CDH13: variants seen among roughly 807,000 people sequenced by gnomAD.
CDH13 encodes cadherin 13.
A neutral mutation model predicts 63.8 loss-of-function variants in CDH13; 24 were observed. The observed-to-expected ratio is 0.38, with a 90% confidence interval of 0.27 to 0.53. The LOEUF (loss-of-function observed/expected upper bound fraction) is 0.53. Ranked by LOEUF, CDH13 falls within the 20% of genes least tolerant of loss-of-function variation. The pLI is 0.85. For missense variants in CDH13, 1,049 were observed against 903.1 expected, an observed-to-expected ratio of 1.16 and a Z score of -2.07; for synonymous variants, 503 against 355.3, an observed-to-expected ratio of 1.42 and a Z score of -4.67.
At chr16:82,648,839 T>A (rs943479315) in intron 1 of CDH13, among the ~76,000 whole-genome samples, 9 of 152,102 alleles carry the variant, frequency 5.9e-5, no homozygotes, top group Non-Finnish European at 1.2e-4. Context: ...TAATGGAAAA[T>A]GTATTTCAGA....
chr16:83,733,287 C>T (rs1205451027), intron 10 of CDH13, among the ~76,000 whole-genome samples: 5 of 152,304 alleles, frequency 3.3e-5, no homozygotes, highest in South Asian at 4.1e-4. Context: ...GATGATGATC[C>T]GTGAGCGCAC....
chr16:83,658,416 T>C (rs1913090915), intron 8 of CDH13, among the ~76,000 whole-genome samples: 1 of 120,624 alleles, frequency 8.3e-6, no homozygotes, highest in Non-Finnish European at 1.7e-5. Flanking sequence ...CACCACCAGG[T>C]CCCGTATCCT....
intron 2 of CDH13, among the ~76,000 whole-genome samples, chr16:82,871,341 A>G (rs778909882): frequency 3.3e-5 from 5 of 152,158 alleles, no homozygotes; most frequent in Non-Finnish European, 5.9e-5. Flanking sequence ...TCAGGCTGCC[A>G]TGGAGCCATT....
At chr16:83,659,707 A>C (rs958940640) in intron 8 of CDH13, among the ~76,000 whole-genome samples, 1 of 152,168 alleles carries the variant, frequency 6.6e-6, no homozygotes, top group East Asian at 1.9e-4. Flanking sequence ...CCCTTTTCTC[A>C]GATAAGTGAA....
chr16:83,134,934 T>C (rs746333741), intron 4 of CDH13, among the ~76,000 whole-genome samples: 1 of 152,204 alleles, frequency 6.6e-6, no homozygotes, highest in Non-Finnish European at 1.5e-5. Context: ...CTTTCGGTTC[T>C]CCATTTTAAA....
chr16:83,574,718 C>T (rs1357125115), intron 7 of CDH13, among the ~76,000 whole-genome samples: 1 of 152,174 alleles, frequency 6.6e-6, no homozygotes, highest in African/African-American at 2.4e-5. Flanking sequence ...CGAATCACGA[C>T]CAAGTCATAC....
intron 1 of CDH13, among the ~76,000 whole-genome samples, chr16:82,690,019 T>A (rs1370959407): frequency 6.7e-3 from 135 of 20,142 alleles, no homozygotes; most frequent in Non-Finnish European, 8.8e-3. Context: ...AAAAAAAAAA[T>A]TAGCCAGGCA....
At chr16:83,600,968 G>A (rs1374937347) in intron 7 of CDH13, among the ~76,000 whole-genome samples, 1 of 152,096 alleles carries the variant, frequency 6.6e-6, no homozygotes, top group Non-Finnish European at 1.5e-5. Flanking sequence ...GTCATGAGAT[G>A]ACTCCTCTAG....
At chr16:82,659,186 C>A (rs1038354203) in intron 1 of CDH13, among the ~76,000 whole-genome samples, 2 of 152,206 alleles carry the variant, frequency 1.3e-5, no homozygotes, top group Non-Finnish European at 2.9e-5. Context: ...GAGTTAGAAT[C>A]CGGATGGCAG....
At chr16:82,846,704 G>C (rs918388860) in intron 1 of CDH13, among the ~76,000 whole-genome samples, 1 of 152,130 alleles carries the variant, frequency 6.6e-6, no homozygotes, top group Non-Finnish European at 1.5e-5. Flanking sequence ...TTTCCTTCTA[G>C]ATAATAAGTT....
chr16:82,910,116 C>T (rs113670243), intron 2 of CDH13, among the ~76,000 whole-genome samples: 49 of 152,262 alleles, frequency 3.2e-4, no homozygotes, highest in African/African-American at 1.0e-3. Context: ...CATCAAATGC[C>T]GATGTCTGAG....
chr16:82,646,847 C>T (rs570570049), intron 1 of CDH13, among the ~76,000 whole-genome samples: 1 of 152,126 alleles, frequency 6.6e-6, no homozygotes, highest in African/African-American at 2.4e-5. Flanking sequence ...TCGAGGGAAG[C>T]CTGAGTCCAG....
At chr16:83,468,898 T>C (rs527814187) in intron 6 of CDH13, among the ~76,000 whole-genome samples, 2 of 152,316 alleles carry the variant, frequency 1.3e-5, no homozygotes, top group South Asian at 4.1e-4. Flanking sequence ...ATTAGCCCAG[T>C]GTAAACTTTG....
At chr16:83,449,349 C>T (rs1199613261) in intron 6 of CDH13, among the ~76,000 whole-genome samples, 1 of 152,142 alleles carries the variant, frequency 6.6e-6, no homozygotes, top group Non-Finnish European at 1.5e-5. Context: ...AACTGATAAA[C>T]AGGGCTCATG....
intron 2 of CDH13, among the ~76,000 whole-genome samples, chr16:83,024,524 G>A (rs1225909692): frequency 2.0e-5 from 3 of 152,126 alleles, no homozygotes; most frequent in East Asian, 1.9e-4. Context: ...CCACACTCCC[G>A]AGTTTGGATT....
At chr16:82,968,355 G>A (rs943001767) in intron 2 of CDH13, among the ~76,000 whole-genome samples, 3 of 152,104 alleles carry the variant, frequency 2.0e-5, no homozygotes, top group East Asian at 1.9e-4. Flanking sequence ...TTCCAAGAAG[G>A]CCTCAGACCT....
In CDH13 at chr16:83,047,023, G is replaced by A. The variant is rs750041788; in HGVS notation, c.366+14805G>A. Among the ~76,000 whole-genome samples, 7 of 152,150 alleles carry A rather than the reference G, an allele frequency of 4.6e-5. No homozygotes were observed. The highest frequency in any genetic ancestry group is 9.7e-5 in the African/African-American group (4 of 41,428). ...TCTATCTTTCTGCAGCAAATCCTTTGACAGAGAATGTGCACTGTCAACCAA... is the reference window on the plus strand; with the variant it reads ...TCTATCTTTCTGCAGCAAATCCTTTAACAGAGAATGTGCACTGTCAACCAA... On this transcript the variant is annotated intron_variant, in intron 3 of 13. Transcript: ENST00000567109. The surrounding 1 kb of genome is among the most constrained non-coding windows in gnomAD (Gnocchi z 4.9).
At chr16:82,972,864 G>A (rs1291287222) in intron 2 of CDH13, among the ~76,000 whole-genome samples, 1 of 152,050 alleles carries the variant, frequency 6.6e-6, no homozygotes, top group Non-Finnish European at 1.5e-5. Flanking sequence ...TACCATTTAA[G>A]GTCCATGAAG....
intron 10 of CDH13, among the ~76,000 whole-genome samples, chr16:83,726,953 C>G (rs1291838103): frequency 6.6e-6 from 1 of 152,070 alleles, no homozygotes; most frequent in African/African-American, 2.4e-5. Context: ...TTTTAGCAGC[C>G]CTGGAAATCA....
Sources: allele counts gnomAD v4.1 joint callset (sites outside exome capture counted in the v4.1 genomes callset), GRCh38; gene constraint gnomAD v4.1.1; non-coding constraint Gnocchi (gnomAD v3.1); transcripts MANE v1.5; gene names NCBI Gene and HGNC (gene_info 2026-07-23, HGNC 2026-07-21).